Variants in KCNB2 observed in about 807,000 individuals in gnomAD.
KCNB2 encodes delayed rectifier potassium channel protein.
Under a neutral mutation model 61.5 loss-of-function variants are expected in KCNB2, and 15 were observed. The observed-to-expected ratio is 0.24, with a 90% CI of 0.16 to 0.38. KCNB2 has a LOEUF of 0.38. KCNB2 is among the 10% of genes least tolerant of loss of function. The pLI, the probability that KCNB2 is intolerant of heterozygous loss-of-function variation, is 1.00. For synonymous variants in KCNB2, 457 were observed against 446.0 expected (o/e 1.02, Z -0.31); for missense variants, 828 against 1,125.2 (o/e 0.74, Z 3.78).
intron 2 of KCNB2, among the ~76,000 whole-genome samples, chr8:72,861,499 C>CCTG (rs1391173481): frequency 5.9e-5 from 9 of 152,242 alleles, no homozygotes; most frequent in African/African-American, 2.2e-4. Context: ...GGCAGCAGCA[C>CCTG]CTGCTGTAAA....
chr8:72,698,167 CAAAATCAGTGTGCA>C (rs1807048339), intron 2 of KCNB2, among the ~76,000 whole-genome samples: 1 of 152,078 alleles, frequency 6.6e-6, no homozygotes, highest in Non-Finnish European at 1.5e-5. Flanking sequence ...TTTCAGGATA[CAAAATCAGTGTGCA>C]AAAATCAGTA....
At chr8:72,656,580 T>G (rs1192353944) in intron 2 of KCNB2, among the ~76,000 whole-genome samples, 1 of 152,184 alleles carries the variant, frequency 6.6e-6, no homozygotes, top group African/African-American at 2.4e-5. Context: ...TCCAGGGCTG[T>G]TTTGTTATAT....
At chr8:72,577,448 A>G (rs550454195) in intron 2 of KCNB2, among the ~76,000 whole-genome samples, 2 of 152,330 alleles carry the variant, frequency 1.3e-5, no homozygotes, top group African/African-American at 4.8e-5. Context: ...GGCAATTTAG[A>G]ATAGATGCAA....
chr8:72,849,589 G>C (rs4345610), intron 2 of KCNB2, among the ~76,000 whole-genome samples: 129,779 of 152,156 alleles, frequency 0.85, 56,311 homozygotes, highest in Middle Eastern at 0.97. Flanking sequence ...TTAAAAAAGA[G>C]AATATAAACC....
intron 1 of KCNB2, among the ~76,000 whole-genome samples, chr8:72,542,159 T>C (rs1438228645): frequency 6.6e-6 from 1 of 152,148 alleles, no homozygotes; most frequent in Non-Finnish European, 1.5e-5. Flanking sequence ...TTTTTCTAAA[T>C]AGCTACAACT....
chr8:72,594,061 C>G (rs1020703768), intron 2 of KCNB2, among the ~76,000 whole-genome samples: 2 of 152,150 alleles, frequency 1.3e-5, no homozygotes, highest in African/African-American at 4.8e-5. Context: ...ATAAGTGAAA[C>G]TAGCCTCCAT....
At chr8:72,695,030 T>C (rs1806996716) in intron 2 of KCNB2, among the ~76,000 whole-genome samples, 1 of 152,082 alleles carries the variant, frequency 6.6e-6, no homozygotes, top group Non-Finnish European at 1.5e-5. Context: ...AATTTAATAA[T>C]GATAAAACTT....
At chr8:72,677,350 C>A (rs886951501) in intron 2 of KCNB2, among the ~76,000 whole-genome samples, 1 of 152,152 alleles carries the variant, frequency 6.6e-6, no homozygotes, top group African/African-American at 2.4e-5. Flanking sequence ...TACTACAGGC[C>A]ACAACCTCTC....
intron 1 of KCNB2, among the ~76,000 whole-genome samples, chr8:72,549,382 T>A (rs1045695986): frequency 1.3e-5 from 2 of 152,202 alleles, no homozygotes; most frequent in Admixed American, 6.5e-5. Context: ...CTCATTCACA[T>A]AACAATCAAA....
chr8:72,730,572 A>AT (rs1006107117), intron 2 of KCNB2, among the ~76,000 whole-genome samples: 7 of 152,184 alleles, frequency 4.6e-5, no homozygotes, highest in African/African-American at 1.7e-4. Context: ...AGTCAATGTC[A>AT]TTTTTTTCAT....
intron 2 of KCNB2, among the ~76,000 whole-genome samples, chr8:72,582,166 A>G (rs1320858680): frequency 6.6e-6 from 1 of 152,228 alleles, no homozygotes; most frequent in Non-Finnish European, 1.5e-5. Context: ...AAGGGACAAT[A>G]GAAACCTAGA....
chr8:72,793,954 G>C (rs1391171575), intron 2 of KCNB2, among the ~76,000 whole-genome samples: 1 of 152,210 alleles, frequency 6.6e-6, no homozygotes, highest in Non-Finnish European at 1.5e-5. Context: ...ACTTAAGTAA[G>C]CCTTTGAAGG....
At chr8:72,767,934 T>C (rs1007172629) in intron 2 of KCNB2, among the ~76,000 whole-genome samples, 2 of 112,916 alleles carry the variant, frequency 1.8e-5, no homozygotes, top group African/African-American at 2.7e-5. Flanking sequence ...AGGTATCTCA[T>C]TGTGATTTCT....
intron 2 of KCNB2, among the ~76,000 whole-genome samples, chr8:72,882,996 T>C (rs1805743024): frequency 6.6e-6 from 1 of 152,050 alleles, no homozygotes; most frequent in Non-Finnish European, 1.5e-5. Flanking sequence ...CCACTTCCCC[T>C]CCATTCCCGG....
intron 2 of KCNB2, among the ~76,000 whole-genome samples, chr8:72,831,633 T>G (rs996199519): frequency 6.6e-6 from 1 of 152,246 alleles, no homozygotes; most frequent in Non-Finnish European, 1.5e-5. Context: ...CATTTATATG[T>G]TTTCAATTAA....
At chr8:72,870,716 C>A (rs1805602107) in intron 2 of KCNB2, among the ~76,000 whole-genome samples, 1 of 152,152 alleles carries the variant, frequency 6.6e-6, no homozygotes, top group Non-Finnish European at 1.5e-5. Flanking sequence ...CTGCCTGTGA[C>A]AAAGCACTAC....
chr8:72,910,883 CA>C (rs973709505), intron 2 of KCNB2, among the ~76,000 whole-genome samples: 69 of 152,262 alleles, frequency 4.5e-4, no homozygotes, highest in African/African-American at 1.6e-3. Flanking sequence ...TGAAGTATAA[CA>C]AAAAGACCTT....
At chr8:72,728,728 A>G (rs192678106) in intron 2 of KCNB2, among the ~76,000 whole-genome samples, 1 of 152,290 alleles carries the variant, frequency 6.6e-6, no homozygotes. Context: ...AAGTAATACA[A>G]GAGAAGTTAC....
chr8:72,727,432 A>G (rs1807670954), intron 2 of KCNB2, among the ~76,000 whole-genome samples: 1 of 152,210 alleles, frequency 6.6e-6, no homozygotes, highest in African/African-American at 2.4e-5. Flanking sequence ...ACAGCTCATT[A>G]TAGTAGCACA....
Sources: gnomAD v4.1 joint callset for allele counts (sites outside exome capture counted in the v4.1 genomes callset) on GRCh38, gnomAD v4.1.1 for gene constraint, MANE v1.5 for transcripts, NCBI Gene and HGNC (gene_info 2026-07-23, HGNC 2026-07-21) for gene names.